Variants in NXPE2 observed in about 807,000 individuals in gnomAD.
NXPE2 encodes neurexophilin and PC-esterase domain family member 2, also known as NXPE family member 2.
In NXPE2, 34 loss-of-function variants were observed where a neutral mutation model predicts 34.4. The ratio of observed to expected loss-of-function variants is 0.99; its 90% confidence interval spans 0.75 to 1.31. The LOEUF is 1.31. Ranked by LOEUF, NXPE2 falls within the 40% of genes most tolerant of loss-of-function variation. The pLI is 0.00. For synonymous variants in NXPE2, 235 were observed against 231.3 expected, an observed-to-expected ratio of 1.02 and a Z score of -0.15; for missense variants, 649 against 672.5, an observed-to-expected ratio of 0.97 and a Z score of 0.39.
intron 4 of NXPE2, 56 bp from the exon 5 acceptor site, chr11:114,705,725 T>C: frequency 9.0e-7 from 1 of 1,114,286 alleles, no homozygotes; most frequent in East Asian, 3.0e-5. Flanking sequence ...AGAAACATTT[T>C]TCCAAAATAA....
chr11:114,580,311 C>A, the NXPE2 span: 1 of 1,614,024 alleles, frequency 6.2e-7, no homozygotes, highest in South Asian at 1.1e-5. Flanking sequence ...TCCAAACTTG[C>A]ATTTCTCTTT....
the NXPE2 span, among the ~76,000 whole-genome samples, chr11:114,611,405 T>C: frequency 6.6e-6 from 1 of 151,746 alleles, no homozygotes; most frequent in African/African-American, 2.4e-5. Context: ...TGTTTCCCAG[T>C]GGATAATAAG....
chr11:114,513,350 T>C, the NXPE2 span: 1 of 427,814 alleles, frequency 2.3e-6, no homozygotes, highest in South Asian at 2.3e-5. Context: ...TATTCTTAGC[T>C]TAGTCTCTGC....
At chr11:114,583,577 TTCTG>T in the NXPE2 span, 1 of 595,212 alleles carries the variant, frequency 1.7e-6, no homozygotes, top group African/African-American at 1.9e-5. Context: ...CCTGTTTGAC[TTCTG>T]TCAGTTGTCT....
the NXPE2 span, among the ~76,000 whole-genome samples, chr11:114,542,425 A>G: frequency 6.6e-6 from 1 of 152,190 alleles, no homozygotes; most frequent in East Asian, 1.9e-4. Flanking sequence ...GAAAAGTTTG[A>G]TATGAGGATT....
the NXPE2 span, among the ~76,000 whole-genome samples, chr11:114,762,112 T>C: frequency 3.9e-5 from 6 of 152,018 alleles, no homozygotes; most frequent in South Asian, 4.2e-4. Flanking sequence ...CCAGGTCTGT[T>C]TGGGGGCTCT....
the NXPE2 span, among the ~76,000 whole-genome samples, chr11:114,555,492 T>C: frequency 1.3e-5 from 2 of 152,202 alleles, no homozygotes; most frequent in African/African-American, 2.4e-5. Context: ...CCCAAAGTGC[T>C]GGGATTACAG....
At chr11:114,657,392 C>T in the NXPE2 span, among the ~76,000 whole-genome samples, 9 of 152,114 alleles carry the variant, frequency 5.9e-5, no homozygotes, top group African/African-American at 2.2e-4. Flanking sequence ...TCAGCATTTT[C>T]TCTAATTTGA....
chr11:114,628,030 G>A, the NXPE2 span, among the ~76,000 whole-genome samples: 2 of 151,352 alleles, frequency 1.3e-5, no homozygotes, highest in East Asian at 3.9e-4. Flanking sequence ...CAAGTCCTGA[G>A]TGACCTACAA....
At chr11:114,598,664 C>T in the NXPE2 span, among the ~76,000 whole-genome samples, 4 of 151,438 alleles carry the variant, frequency 2.6e-5, no homozygotes, top group African/African-American at 7.3e-5. Flanking sequence ...TGTACCTGGG[C>T]CTCTTTGAGC....
At chr11:114,617,563 A>T in the NXPE2 span, among the ~76,000 whole-genome samples, 2 of 150,634 alleles carry the variant, frequency 1.3e-5, no homozygotes, top group African/African-American at 4.9e-5. Context: ...GGAAAATAAT[A>T]GTTGCCTCAC....
the NXPE2 span, among the ~76,000 whole-genome samples, chr11:114,609,307 G>T: frequency 6.6e-6 from 1 of 151,668 alleles, no homozygotes; most frequent in Non-Finnish European, 1.5e-5. Flanking sequence ...AATAAGTATT[G>T]CCTCGTGGGT....
At chr11:114,627,668 A>C in the NXPE2 span, among the ~76,000 whole-genome samples, 2 of 151,900 alleles carry the variant, frequency 1.3e-5, no homozygotes, top group African/African-American at 4.8e-5. Context: ...CACACATAAC[A>C]ATATTAACTT....
At chr11:114,732,438 T>C in the NXPE2 span, among the ~76,000 whole-genome samples, 1 of 152,250 alleles carries the variant, frequency 6.6e-6, no homozygotes, top group Non-Finnish European at 1.5e-5. Context: ...CTTTGCTTTC[T>C]CACAAGTGTC....
At chr11:114,511,732 G>A in the NXPE2 span, among the ~76,000 whole-genome samples, 2 of 152,186 alleles carry the variant, frequency 1.3e-5, no homozygotes, top group African/African-American at 2.4e-5. Flanking sequence ...GATCCCTCAC[G>A]AATGGCGTGG....
At chr11:114,793,330 C>CT in the NXPE2 span, among the ~76,000 whole-genome samples, 56 of 151,756 alleles carry the variant, frequency 3.7e-4, no homozygotes, top group Non-Finnish European at 6.8e-4. Context: ...GTTACTACCA[C>CT]TTTTTTTTTC....
the NXPE2 span, among the ~76,000 whole-genome samples, chr11:114,662,229 GGAGA>G: frequency 0.32 from 48,887 of 151,464 alleles, 8,141 homozygotes; most frequent in East Asian, 0.41. Flanking sequence ...TGTGCACTGG[GGAGA>G]GAGAGAGAGT....
At chr11:114,719,848 A>G in the NXPE2 span, among the ~76,000 whole-genome samples, 1 of 152,042 alleles carries the variant, frequency 6.6e-6, no homozygotes, top group Non-Finnish European at 1.5e-5. Context: ...CCCTGTCCTG[A>G]TTCTCCTCCA....
At chr11:114,579,168 C>T in the NXPE2 span, among the ~76,000 whole-genome samples, 16 of 152,086 alleles carry the variant, frequency 1.1e-4, no homozygotes, top group African/African-American at 3.9e-4. Flanking sequence ...CAGTGTGTCA[C>T]ATGGTGAGAG....
Sources: allele counts gnomAD v4.1 joint callset (sites outside exome capture counted in the v4.1 genomes callset), GRCh38; gene constraint gnomAD v4.1.1; transcripts MANE v1.5; gene names NCBI Gene and HGNC (gene_info 2026-07-23, HGNC 2026-07-21).